LRRC4C: variants seen among roughly 807,000 people sequenced by gnomAD.
LRRC4C encodes the protein leucine rich repeat containing 4C, also known as leucine-rich repeat-containing protein 4C.
In LRRC4C, 5 loss-of-function variants were observed where a neutral mutation model predicts 33.6. The ratio of observed to expected loss-of-function variants is 0.15; its 90% CI spans 0.08 to 0.31. LRRC4C has a LOEUF of 0.31. Ranked by LOEUF, LRRC4C falls within the 10% of genes least tolerant of loss-of-function variation. The pLI, the probability that LRRC4C is intolerant of heterozygous loss-of-function variation, is 1.00. For synonymous variants in LRRC4C, 329 were observed against 302.0 expected (o/e 1.09, Z -0.93); for missense variants, 560 against 796.7 (o/e 0.70, Z 3.58).
chr11:41,299,439 T>C (rs1189190660), intron 1 of LRRC4C, among the ~76,000 whole-genome samples: 1 of 152,152 alleles, frequency 6.6e-6, no homozygotes, highest in Non-Finnish European at 1.5e-5. Flanking sequence ...ATTTCCTACC[T>C]ACTTGAATTG....
chr11:41,343,504 T>C (rs895422672), intron 1 of LRRC4C, among the ~76,000 whole-genome samples: 5 of 152,252 alleles, frequency 3.3e-5, no homozygotes, highest in African/African-American at 1.2e-4. Flanking sequence ...TATCTTTGGA[T>C]ATAATTCCAA....
intron 6 of LRRC4C, 75 bp downstream of exon 6, chr11:40,140,726 C>T (rs888428698): frequency 6.6e-6 from 1 of 152,366 alleles, no homozygotes; most frequent in African/African-American, 2.4e-5. Context: ...CAGTGTATAA[C>T]GAGTCACTTC....
intron 1 of LRRC4C, among the ~76,000 whole-genome samples, chr11:40,993,849 T>C (rs1229647450): frequency 6.6e-6 from 1 of 152,098 alleles, no homozygotes; most frequent in Non-Finnish European, 1.5e-5. Context: ...AAAAGCATCA[T>C]AGGAACATAA....
intron 1 of LRRC4C, among the ~76,000 whole-genome samples, chr11:41,226,741 TACACAC>T (rs59285418): frequency 6.6e-4 from 90 of 137,150 alleles, no homozygotes; most frequent in Non-Finnish European, 9.4e-4. Context: ...TCCTTACCAT[TACACAC>T]ACACACACAC....
intron 2 of LRRC4C, among the ~76,000 whole-genome samples, chr11:40,795,862 G>A (rs530936176): frequency 4.1e-4 from 62 of 152,200 alleles, no homozygotes; most frequent in African/African-American, 1.4e-3. Flanking sequence ...GCCCTGTAAC[G>A]CTTTAAGAAT....
At chr11:40,610,395 G>A (rs529062057) in intron 3 of LRRC4C, among the ~76,000 whole-genome samples, 16 of 151,540 alleles carry the variant, frequency 1.1e-4, no homozygotes, top group Non-Finnish European at 2.2e-4. Flanking sequence ...TACATGAAAA[G>A]CCCACAGCTA....
chr11:40,859,695 A>G (rs773476633), intron 2 of LRRC4C, among the ~76,000 whole-genome samples: 4 of 152,216 alleles, frequency 2.6e-5, no homozygotes, highest in Non-Finnish European at 5.9e-5. Flanking sequence ...AGATGGAAAC[A>G]GCCCAAATTT....
chr11:40,340,972 A>T lies in LRRC4C; in HGVS notation c.-269-21251T>A, dbSNP rs377436648. 2.0e-5 allele frequency among the ~76,000 whole-genome samples: 3 copies of T among 152,142 alleles called. No individual in the cohort carries two copies. In the East Asian group the frequency reaches 5.8e-4, roughly 29 times the overall value. On this transcript the variant is annotated intron_variant, in intron 3 of 6. Transcript: ENST00000528697. ...CTCACAATCCATATATTTCTGTTAC[A>T]TGTCATGTTTTGGTCGTGAGTGCAG... is the stretch of plus-strand genomic sequence containing the variant.
chr11:40,380,943 G>A (rs1435621064), intron 3 of LRRC4C, among the ~76,000 whole-genome samples: 1 of 152,154 alleles, frequency 6.6e-6, no homozygotes, highest in Non-Finnish European at 1.5e-5. Flanking sequence ...CTTGTTGACA[G>A]CTATTCCGTG....
chr11:41,435,877 T>A (rs573843811), intron 1 of LRRC4C, among the ~76,000 whole-genome samples: 1 of 152,336 alleles, frequency 6.6e-6, no homozygotes, highest in East Asian at 1.9e-4. Flanking sequence ...CTTCAAATAA[T>A]AATTTTTACA....
chr11:41,312,079 A>C (rs913432467), intron 1 of LRRC4C, among the ~76,000 whole-genome samples: 29 of 152,204 alleles, frequency 1.9e-4, no homozygotes, highest in African/African-American at 6.0e-4. Flanking sequence ...ATGCCCCTCT[A>C]TTGATATATG....
chr11:40,142,358 T>A (rs1230712428), intron 5 of LRRC4C, among the ~76,000 whole-genome samples: 2 of 148,840 alleles, frequency 1.3e-5, no homozygotes, highest in African/African-American at 4.9e-5. Flanking sequence ...AAGTATTAAC[T>A]ACCCTTCAGT....
At chr11:40,258,298 GTCCACCTCAAAAAACAAT>G (rs1867386815) in intron 4 of LRRC4C, among the ~76,000 whole-genome samples, 1 of 152,110 alleles carries the variant, frequency 6.6e-6, no homozygotes, top group East Asian at 1.9e-4. Context: ...AATAAAAACA[GTCCACCTCAAAAAACAAT>G]TTCAGCCTAG....
chr11:40,273,030 T>C (rs1942824583), intron 4 of LRRC4C, among the ~76,000 whole-genome samples: 2 of 152,160 alleles, frequency 1.3e-5, no homozygotes, highest in South Asian at 4.1e-4. Flanking sequence ...GATAATGAGT[T>C]TTGCAAAATA....
chr11:41,073,736 TTGAC>T (rs1445628628), intron 1 of LRRC4C, among the ~76,000 whole-genome samples: 3 of 152,226 alleles, frequency 2.0e-5, no homozygotes, highest in Non-Finnish European at 4.4e-5. Flanking sequence ...TGTCAACAAA[TTGAC>T]TGTTGTCTTG....
At chr11:40,587,865 G>A (rs1172531474) in intron 3 of LRRC4C, among the ~76,000 whole-genome samples, 1 of 152,112 alleles carries the variant, frequency 6.6e-6, no homozygotes, top group Non-Finnish European at 1.5e-5. Context: ...ATGTGCTGCT[G>A]GATTCGTTTT....
chr11:41,411,727 G>T (rs533609547), intron 1 of LRRC4C, among the ~76,000 whole-genome samples: 2 of 152,286 alleles, frequency 1.3e-5, no homozygotes, highest in Non-Finnish European at 1.5e-5. Context: ...TGTGAAGTTT[G>T]CACGTTCTCC....
intron 1 of LRRC4C, among the ~76,000 whole-genome samples, chr11:41,285,756 G>C (rs1949806257): frequency 6.6e-6 from 1 of 152,000 alleles, no homozygotes; most frequent in African/African-American, 2.4e-5. Flanking sequence ...ACTAAATTAT[G>C]CAACTGGTCT....
intron 2 of LRRC4C, among the ~76,000 whole-genome samples, chr11:40,914,750 G>A (rs979631282): frequency 2.6e-5 from 4 of 152,152 alleles, no homozygotes; most frequent in African/African-American, 9.7e-5. Flanking sequence ...AAAAGAGGAA[G>A]TCAAATTGTC....
Sources: allele counts gnomAD v4.1 joint callset (sites outside exome capture counted in the v4.1 genomes callset), GRCh38; gene constraint gnomAD v4.1.1; transcripts MANE v1.5; gene names NCBI Gene and HGNC (gene_info 2026-07-23, HGNC 2026-07-21).